The following CHD6 variants were observed in gnomAD, a reference collection of about 807,000 sequenced individuals.
The protein encoded by CHD6 is chromodomain helicase DNA binding protein 6.
Under a neutral mutation model 276.9 loss-of-function variants are expected in CHD6, and 50 were observed. That is an observed-to-expected ratio of 0.18 (90% confidence interval 0.14 to 0.23). The LOEUF is 0.23. Ranked by LOEUF, CHD6 falls within the 10% of genes least tolerant of loss-of-function variation. The pLI, the probability that CHD6 is intolerant of heterozygous loss-of-function variation, is 1.00. For synonymous variants in CHD6, 1,173 were observed against 1,229.3 expected (o/e 0.95, Z 0.96); for missense variants, 2,564 against 3,365.8 (o/e 0.76, Z 5.89).
At chr20:41,518,501 C>T (rs766252037) in intron 3 of CHD6, among the ~76,000 whole-genome samples, 13 of 152,100 alleles carry the variant, frequency 8.5e-5, no homozygotes, top group Non-Finnish European at 1.6e-4. Flanking sequence ...AAGCCTGAGG[C>T]GCTACTAGAT....
intron 5 of CHD6, among the ~76,000 whole-genome samples, chr20:41,501,690 T>C (rs2043832974): frequency 6.6e-6 from 1 of 152,184 alleles, no homozygotes; most frequent in Non-Finnish European, 1.5e-5. Context: ...GGTTATGGGG[T>C]AGGTAGATGT....
At chr20:41,571,321 G>GT (rs888825516) in intron 1 of CHD6, among the ~76,000 whole-genome samples, 10 of 151,668 alleles carry the variant, frequency 6.6e-5, no homozygotes, top group Admixed American at 5.9e-4. Flanking sequence ...ATGAAGAAGT[G>GT]TAAGTTGCTC....
chr20:41,410,070 AGGGCC>A, intron 36 of CHD6, among the ~76,000 whole-genome samples: 1 of 152,214 alleles, frequency 6.6e-6, no homozygotes. Context: ...GTGTGGCAGA[AGGGCC>A]ATGTGAGCTC....
intron 11 of CHD6, among the ~76,000 whole-genome samples, chr20:41,490,580 A>G (rs2043527596): frequency 6.6e-6 from 1 of 152,206 alleles, no homozygotes; most frequent in Admixed American, 6.5e-5. Context: ...TGGGAGGCCA[A>G]CGCGGGCAGA....
Position 41,484,602 on chromosome 20 carries a change from C to T in CHD6, c.2007G>A (p.Lys669=). Reference sequence around the variant, plus strand: ...TTGGTTTTAGGATAGACTGCAGTTTCTTTACCTGTCCAGGGAAATGAGACC... The same window carrying T: ...TTGGTTTTAGGATAGACTGCAGTTTTTTTACCTGTCCAGGGAAATGAGACC... ...FGDLKTEEQV[K]KLQSILKPMM... Residue 669 remains lysine (K), a synonymous_variant, in exon 15 of 37, where the codon AAG becomes AAA. Transcript: ENST00000373233. The T allele has an allele frequency of 6.2e-7, 1 of 1,613,740 alleles. No individual in the cohort carries two copies. The highest frequency in any genetic ancestry group is 8.5e-7 in the Non-Finnish European group (1 of 1,179,780).
At chr20:41,464,252 G>A (rs1182794470) in intron 17 of CHD6, among the ~76,000 whole-genome samples, 1 of 152,108 alleles carries the variant, frequency 6.6e-6, no homozygotes, top group Non-Finnish European at 1.5e-5. Flanking sequence ...TGAGTTTTAG[G>A]AATTGATGTT....
intron 1 of CHD6, among the ~76,000 whole-genome samples, chr20:41,598,987 C>G (rs1308806013): frequency 6.6e-6 from 1 of 152,166 alleles, no homozygotes; most frequent in Non-Finnish European, 1.5e-5. Flanking sequence ...TACATAGATG[C>G]CATCGGAGTT....
At chr20:41,594,159 G>A (rs1307010185) in intron 1 of CHD6, among the ~76,000 whole-genome samples, 2 of 152,004 alleles carry the variant, frequency 1.3e-5, no homozygotes, top group Non-Finnish European at 2.9e-5. Flanking sequence ...TCATAAAGGT[G>A]TTCCACAGTA....
At chr20:41,449,887 C>T (rs1210151935) in intron 23 of CHD6, among the ~76,000 whole-genome samples, 1 of 152,144 alleles carries the variant, frequency 6.6e-6, no homozygotes, top group Non-Finnish European at 1.5e-5. Context: ...ATCCTGTCTG[C>T]TTTTAGCTTA....
intron 2 of CHD6, among the ~76,000 whole-genome samples, chr20:41,540,357 G>A (rs566604916): frequency 6.6e-6 from 1 of 152,262 alleles, no homozygotes; most frequent in South Asian, 2.1e-4. Context: ...ATGCAAATTT[G>A]GCTGTTTATT....
intron 2 of CHD6, among the ~76,000 whole-genome samples, chr20:41,537,082 T>A (rs2044848109): frequency 6.6e-6 from 1 of 152,180 alleles, no homozygotes; most frequent in African/African-American, 2.4e-5. Flanking sequence ...ACTATTAGAC[T>A]TCCCCCAACT....
intron 1 of CHD6, among the ~76,000 whole-genome samples, chr20:41,592,279 T>A (rs1413109070): frequency 6.6e-6 from 1 of 151,988 alleles, no homozygotes; most frequent in Non-Finnish European, 1.5e-5. Flanking sequence ...AAAAAGGACA[T>A]GAACCACACA....
intron 1 of CHD6, among the ~76,000 whole-genome samples, chr20:41,582,650 A>G (rs754809511): frequency 1.3e-5 from 2 of 152,242 alleles, no homozygotes; most frequent in African/African-American, 4.8e-5. Flanking sequence ...AAACCAAACA[A>G]GAGAGCCAAA....
intron 5 of CHD6, among the ~76,000 whole-genome samples, chr20:41,506,987 T>C (rs1454985204): frequency 6.6e-6 from 1 of 152,202 alleles, no homozygotes; most frequent in African/African-American, 2.4e-5. Flanking sequence ...GAAGAGGCTC[T>C]GGAAATGATA....
Position 41,420,628 on chromosome 20 carries a change from T to C in CHD6, c.6007A>G (p.Ser2003Gly). Reference sequence around the variant, plus strand: ...GGGAAAACGTTTTGCCCCTCTGCACTTTCTTTCCAAGGTTCTTTTAAAAGC... The same window carrying C: ...GGGAAAACGTTTTGCCCCTCTGCACCTTCTTTCCAAGGTTCTTTTAAAAGC... ...HELLKEPWKESAEGQNVFPTY... is the reference protein window; with the variant it reads ...HELLKEPWKEGAEGQNVFPTY... Residue 2003 changes from serine to glycine, a missense_variant, in exon 31 of 37, where the codon AGT becomes GGT. Transcript: ENST00000373233. The C allele has an allele frequency of 6.2e-7, 1 of 1,614,258 alleles. No individual in the cohort carries two copies. Among genetic ancestry groups the C allele is most frequent in the Non-Finnish European group, 8.5e-7 (1 of 1,180,046 alleles).
intron 2 of CHD6, among the ~76,000 whole-genome samples, chr20:41,540,746 G>A (rs2044925818): frequency 6.6e-6 from 1 of 152,094 alleles, no homozygotes; most frequent in Non-Finnish European, 1.5e-5. Context: ...TCTCCAGCAG[G>A]GAGAAGATGG....
At chr20:41,570,845 T>C (rs946496397) in intron 1 of CHD6, among the ~76,000 whole-genome samples, 3 of 152,224 alleles carry the variant, frequency 2.0e-5, no homozygotes, top group Non-Finnish European at 4.4e-5. Flanking sequence ...CAGAGTTTCT[T>C]AACAACCTCT....
intron 24 of CHD6, among the ~76,000 whole-genome samples, chr20:41,446,618 A>G (rs2048076957): frequency 6.6e-6 from 1 of 152,152 alleles, no homozygotes; most frequent in African/African-American, 2.4e-5. Flanking sequence ...ACTGTGACAC[A>G]GGACCGAATG....
At chr20:41,615,399 A>G (rs1034664588) in intron 1 of CHD6, among the ~76,000 whole-genome samples, 19 of 151,962 alleles carry the variant, frequency 1.3e-4, no homozygotes, top group African/African-American at 4.6e-4. Flanking sequence ...AGCTCTGGCT[A>G]TCATTTTATG....
Sources: allele counts gnomAD v4.1 joint callset (sites outside exome capture counted in the v4.1 genomes callset), GRCh38; gene constraint gnomAD v4.1.1; transcripts MANE v1.5; gene names NCBI Gene and HGNC (gene_info 2026-07-23, HGNC 2026-07-21).